Variants in TENM1 observed in about 807,000 individuals in gnomAD.
TENM1 encodes the protein teneurin transmembrane protein 1, also known as teneurin-1.
Under a neutral mutation model 174.8 loss-of-function variants are expected in TENM1, and 35 were observed. The observed-to-expected ratio is 0.20, with a 90% CI of 0.15 to 0.27. The LOEUF (loss-of-function observed/expected upper bound fraction) is 0.27, where lower values mean the gene tolerates loss of function less well. Among genes scored for constraint, TENM1 ranks in the 10% least tolerant of loss-of-function variants. TENM1 has a pLI of 1.00. For missense variants in TENM1, 1,633 were observed against 2,130.1 expected (o/e 0.77, Z 4.59); for synonymous variants, 781 against 798.7 (o/e 0.98, Z 0.37).
At chrX:125,163,076 G>C in the TENM1 span, among the ~76,000 whole-genome samples, 1 of 111,256 alleles carries the variant, frequency 9.0e-6, no homozygotes, top group Admixed American at 9.6e-5. Context: ...CTTTCTCCTG[G>C]GCTGTGCCAA....
chrX:124,494,726 T>A (rs1348885752), intron 20 of TENM1, among the ~76,000 whole-genome samples: 1 of 106,076 alleles, frequency 9.4e-6, no homozygotes, highest in Non-Finnish European at 1.9e-5. Flanking sequence ...TGTGATCTCA[T>A]TGTTCAATTC....
the TENM1 span, among the ~76,000 whole-genome samples, chrX:125,174,414 T>C: frequency 9.0e-6 from 1 of 111,443 alleles, no homozygotes; most frequent in Non-Finnish European, 1.9e-5. Flanking sequence ...CCATGTTCTT[T>C]ACTCAAGGAG....
At chrX:124,866,557 G>A (rs1350972995) in intron 3 of TENM1, among the ~76,000 whole-genome samples, 1 of 110,907 alleles carries the variant, frequency 9.0e-6, no homozygotes, top group Non-Finnish European at 1.9e-5. Flanking sequence ...TCAAAAAAGA[G>A]GAGAAACTTC....
Position 124,503,820 on chromosome X carries a change from A to C in TENM1, c.3302-117T>G, listed in dbSNP as rs2047384572. 1.9e-5 allele frequency: 14 copies of C among 722,506 alleles called. 1 individual carries two copies. The South Asian group carries it at 3.7e-4, about 19-fold the overall frequency. The allele number at this position is 722,506 out of a possible 1,213,427, so 59.5% of individuals were successfully genotyped here. A position where few individuals can be genotyped will look rare whatever the true frequency, so the allele number is the denominator to read the frequency against. ...CTACTGAATTCTGATTAGAGTTGAA[A>C]TTTGACTGCAAATTTCTTTCACCTA... On this transcript the variant is annotated intron_variant, in intron 18 of 31. Transcript: ENST00000422452.
chrX:125,124,542 T>C, the TENM1 span, among the ~76,000 whole-genome samples: 1 of 112,169 alleles, frequency 8.9e-6, no homozygotes, highest in Non-Finnish European at 1.9e-5. Flanking sequence ...AGCAGCTTTA[T>C]TACCAATCTA....
chrX:124,475,715 T>C (rs985204351), intron 22 of TENM1, among the ~76,000 whole-genome samples: 12 of 111,967 alleles, frequency 1.1e-4, no homozygotes, highest in Non-Finnish European at 7.5e-5. Context: ...CTCTGTTTCC[T>C]TCATTAGATC....
In TENM1 at chrX:124,520,791, T is replaced by TA. The variant is rs112813437; in HGVS notation, c.3034-8dup. ...GAATTTCCTCCTGTACAACCTGAAATAAAAAAAAAAAAAAAAAGCCAAATA... is the reference window on the plus strand; with the variant it reads ...GAATTTCCTCCTGTACAACCTGAAATAAAAAAAAAAAAAAAAAAGCCAAATA... On this transcript the variant is annotated splice_polypyrimidine_tract_variant and splice_region_variant and intron_variant, in intron 17 of 31. Coordinates refer to ENST00000422452, the Ensembl canonical transcript of TENM1. 6,409 of 1,017,851 alleles carry TA rather than the reference T, an allele frequency of 6.3e-3. No homozygotes were observed. The highest frequency in any genetic ancestry group is 7.2e-3 in the Non-Finnish European group (5,652 of 783,471). The allele number at this position is 1,017,851 out of a possible 1,213,427, so 83.9% of individuals were successfully genotyped here.
intron 3 of TENM1, among the ~76,000 whole-genome samples, chrX:124,848,442 A>C (rs2056653945): frequency 9.0e-6 from 1 of 111,246 alleles, no homozygotes; most frequent in Admixed American, 9.6e-5. Flanking sequence ...AAAAGACCTT[A>C]ATGTGGACAA....
chrX:125,093,489 A>C, the TENM1 span, among the ~76,000 whole-genome samples: 1 of 112,353 alleles, frequency 8.9e-6, no homozygotes. Context: ...TCTGCTTTAA[A>C]ATAGCAAAGA....
intron 3 of TENM1, among the ~76,000 whole-genome samples, chrX:124,805,750 G>A (rs1485616923): frequency 8.8e-6 from 1 of 113,056 alleles, no homozygotes; most frequent in Admixed American, 9.3e-5. Flanking sequence ...GCACCACAAC[G>A]GCCACAGCCA....
the TENM1 span, among the ~76,000 whole-genome samples, chrX:125,069,774 T>G: frequency 9.0e-6 from 1 of 111,535 alleles, no homozygotes; most frequent in East Asian, 2.8e-4. Context: ...AAATAAAAAT[T>G]TAAAAAATTA....
At chrX:125,074,875 G>A in the TENM1 span, among the ~76,000 whole-genome samples, 11 of 111,753 alleles carry the variant, frequency 9.8e-5, no homozygotes, top group Non-Finnish European at 2.1e-4. Flanking sequence ...TAAAACTCCA[G>A]TTCCTTCAGG....
In TENM1 at chrX:124,696,300, C is replaced by T. The variant is rs781582651; in HGVS notation, c.1015+8713G>A. On this transcript the variant is annotated intron_variant, in intron 5 of 31. Transcript: ENST00000422452. ...TCAACTACTTATCGACTGATTGAGG[C>T]TAGATTTACCACTACAATCAGACAT... is the stretch of plus-strand genomic sequence containing the variant. Among the ~76,000 whole-genome samples the T allele has an allele frequency of 2.7e-5, 3 of 111,739 alleles. No homozygotes were observed. The South Asian group carries it at 1.1e-3, about 42-fold the overall frequency.
chrX:125,121,494 G>A, the TENM1 span, among the ~76,000 whole-genome samples: 1 of 111,969 alleles, frequency 8.9e-6, no homozygotes, highest in African/African-American at 3.2e-5. Flanking sequence ...TGTGGAATTT[G>A]TCCCATTTTC....
At chrX:124,832,160 C>T (rs1348178003) in intron 3 of TENM1, among the ~76,000 whole-genome samples, 1 of 111,375 alleles carries the variant, frequency 9.0e-6, no homozygotes, top group African/African-American at 3.3e-5. Flanking sequence ...TTGCCATTGC[C>T]GTGGGTGTAT....
At position 124,471,403 on chromosome X, in the gene TENM1, AT is replaced by A. The variant is rs1569533489; in HGVS notation, c.3949+10328del. Among the ~76,000 whole-genome samples the A allele has an allele frequency of 3.2e-3, 114 of 35,207 alleles. 14 individuals are homozygous for A. The highest frequency in any genetic ancestry group is 0.012 in the African/African-American group (100 of 8,189). 30.6% of individuals were successfully genotyped at this position (35,207 alleles called of 115,157 possible). On this transcript the variant is annotated intron_variant, in intron 22 of 31. Coordinates refer to ENST00000422452, the Ensembl canonical transcript of TENM1. ...ATATATAGTACTATATATAATATAT[AT>A]TATAATATATAGTAATATATTATAT...
intron 11 of TENM1, among the ~76,000 whole-genome samples, chrX:124,606,647 G>A (rs766325534): frequency 9.0e-6 from 1 of 111,067 alleles, no homozygotes; most frequent in South Asian, 3.8e-4. Flanking sequence ...AGTAGGAGAG[G>A]GAAAAAGAGG....
chrX:124,841,494 A>G, intron 3 of TENM1, among the ~76,000 whole-genome samples: 1 of 111,166 alleles, frequency 9.0e-6, no homozygotes, highest in Non-Finnish European at 1.9e-5. Context: ...AGTACCAATC[A>G]TGCACAATTG....
chrX:124,392,798 T>G (rs2060296332), intron 27 of TENM1, among the ~76,000 whole-genome samples: 1 of 112,091 alleles, frequency 8.9e-6, no homozygotes, highest in Non-Finnish European at 1.9e-5. Context: ...CTCTAACTTA[T>G]ACAGATTCCC....
Sources: allele counts gnomAD v4.1 joint callset (sites outside exome capture counted in the v4.1 genomes callset), GRCh38; gene constraint gnomAD v4.1.1; transcripts MANE v1.5; gene names NCBI Gene and HGNC (gene_info 2026-07-23, HGNC 2026-07-21).